GABRG3: variants seen among roughly 807,000 people sequenced by gnomAD.
GABRG3 encodes gamma-aminobutyric acid receptor subunit gamma-3.
GABRG3 carries 25 observed loss-of-function variants against 48.8 expected under a neutral mutation model. That is an observed-to-expected ratio of 0.51 (90% CI 0.37 to 0.72). The LOEUF (loss-of-function observed/expected upper bound fraction) is 0.72, where lower values mean the gene tolerates loss of function less well. Ranked by LOEUF, GABRG3 falls within the 30% of genes least tolerant of loss-of-function variation. The pLI is 0.00. For synonymous variants in GABRG3, 227 were observed against 217.6 expected (o/e 1.04, Z -0.38); for missense variants, 394 against 577.9 (o/e 0.68, Z 3.26).
rs111580528 is a variant in GABRG3 at position 27,325,342 on chromosome 15, G to A, written c.271-1467G>A. 1.4e-3 allele frequency among the ~76,000 whole-genome samples: 217 copies of A among 152,298 alleles called. 1 individual carries two copies. The highest frequency in any genetic ancestry group is 5.1e-3 in the African/African-American group (211 of 41,562). On this transcript the variant is annotated intron_variant, in intron 3 of 9. Transcript: ENST00000615808. ...CATTCAGACAGACACATGGACTTGG[G>A]AGGGTCCATCTGGTTGCTGAGATGC...
intron 3 of GABRG3, among the ~76,000 whole-genome samples, chr15:27,145,664 T>TCTATCTATCTATCTATCTATCTATCTATC (rs61419936): frequency 7.4e-6 from 1 of 134,362 alleles, no homozygotes; most frequent in Non-Finnish European, 1.5e-5. Flanking sequence ...TATCTATCTA[T>TCTATCTATCTATCTATCTATCTATCTATC]TGTGCCAGAA....
intron 3 of GABRG3, among the ~76,000 whole-genome samples, chr15:27,053,094 T>C (rs1462588444): frequency 1.3e-5 from 2 of 152,232 alleles, no homozygotes; most frequent in African/African-American, 4.8e-5. Flanking sequence ...CTTCTGGATA[T>C]TGGCCTTGGC....
intron 3 of GABRG3, among the ~76,000 whole-genome samples, chr15:27,065,202 A>G (rs551488596): frequency 6.6e-6 from 1 of 152,234 alleles, no homozygotes; most frequent in African/African-American, 2.4e-5. Context: ...GAGTGGATGA[A>G]TGAATGAATG....
At chr15:27,043,795 A>C (rs1029416471) in intron 3 of GABRG3, among the ~76,000 whole-genome samples, 6 of 152,154 alleles carry the variant, frequency 3.9e-5, no homozygotes, top group African/African-American at 1.4e-4. Context: ...TATGGTCAGG[A>C]ATTTGGGCAG....
intron 3 of GABRG3, among the ~76,000 whole-genome samples, chr15:27,075,517 G>C (rs1896895848): frequency 6.6e-6 from 1 of 152,186 alleles, no homozygotes; most frequent in South Asian, 2.1e-4. Context: ...CCCTAGAGCT[G>C]AAGGCTTTGT....
intron 3 of GABRG3, among the ~76,000 whole-genome samples, chr15:27,060,298 G>A (rs1896622887): frequency 6.6e-6 from 1 of 152,228 alleles, no homozygotes; most frequent in Non-Finnish European, 1.5e-5. Context: ...TGGCCTGTTG[G>A]TGCAATTCCT....
At chr15:27,312,923 TAAA>T (rs894839922) in intron 3 of GABRG3, among the ~76,000 whole-genome samples, 2 of 150,672 alleles carry the variant, frequency 1.3e-5, no homozygotes, top group Admixed American at 6.6e-5. Context: ...GTCTAAAAGT[TAAA>T]AAAAAGTATA....
In GABRG3 at chr15:27,313,248, G is replaced by A. The variant is rs1406279188; in HGVS notation, c.271-13561G>A. 4.4e-4 allele frequency among the ~76,000 whole-genome samples: 25 copies of A among 56,220 alleles called. No homozygotes were observed. The East Asian group carries it at 4.4e-3, about 10-fold the overall frequency. The allele number at this position is 56,220 out of a possible 152,430, so 36.9% of individuals were successfully genotyped here. A position where few individuals can be genotyped will look rare whatever the true frequency, so the allele number is the denominator to read the frequency against. ...TATACGTATATGTATATATGTGTGTGTGTGTGTGTGTGTGTATATATATAT... is the reference window on the plus strand; with the variant it reads ...TATACGTATATGTATATATGTGTGTATGTGTGTGTGTGTGTATATATATAT... On this transcript the variant is annotated intron_variant, in intron 3 of 9. Coordinates refer to ENST00000615808, the MANE Select transcript of GABRG3 (RefSeq NM_033223.5).
chr15:27,306,686 G>A (rs192843989), intron 3 of GABRG3, among the ~76,000 whole-genome samples: 2,139 of 31,092 alleles, frequency 0.069, 462 homozygotes, highest in Non-Finnish European at 0.11. Flanking sequence ...ACATATATAT[G>A]AACATGTTTA....
At chr15:27,311,691 G>A (rs1051875479) in intron 3 of GABRG3, among the ~76,000 whole-genome samples, 58 of 152,048 alleles carry the variant, frequency 3.8e-4, no homozygotes, top group African/African-American at 1.3e-3. Context: ...TTTTCTGGAG[G>A]TGGCCTGAGG....
chr15:27,337,699 GTCTT>G (rs1460714645), intron 5 of GABRG3, among the ~76,000 whole-genome samples: 4 of 151,914 alleles, frequency 2.6e-5, no homozygotes, highest in African/African-American at 9.7e-5. Flanking sequence ...TATTTCCAGC[GTCTT>G]TCTTTATACA....
chr15:27,057,270 G>A (rs768082602), intron 3 of GABRG3, among the ~76,000 whole-genome samples: 1 of 152,066 alleles, frequency 6.6e-6, no homozygotes, highest in East Asian at 1.9e-4. Context: ...CAATAAAGAA[G>A]TTTTCCGATC....
intron 3 of GABRG3, among the ~76,000 whole-genome samples, chr15:27,275,664 G>A (rs2061051): frequency 0.63 from 96,388 of 152,042 alleles, 31,291 homozygotes; most frequent in African/African-American, 0.71. Flanking sequence ...GTTTTGGCAT[G>A]GGAGAAAATG....
rs1566779090 is a variant in GABRG3, at chr15:27,313,268, A to ATATATATATATATATG, written c.271-13526_271-13525insGTATATATATATATAT. Reference sequence around the variant, plus strand: ...TGTGTGTGTGTGTGTGTGTGTATATATATATATATATATATATATATATAT... The same window carrying ATATATATATATATATG: ...TGTGTGTGTGTGTGTGTGTGTATATATATATATATATATATGTATATATATATATATATATATATAT... On this transcript the variant is annotated intron_variant, in intron 3 of 9. Coordinates refer to ENST00000615808, the MANE Select transcript of GABRG3 (RefSeq NM_033223.5). Among the ~76,000 whole-genome samples the ATATATATATATATATG allele has an allele frequency of 1.8e-4, 6 of 32,804 alleles. No individual in the cohort carries two copies. The East Asian group carries it at 2.7e-3, about 15-fold the overall frequency. The allele number at this position is 32,804 out of a possible 152,430, so 21.5% of individuals were successfully genotyped here.
chr15:27,460,906 A>C (rs1003962245), intron 5 of GABRG3, among the ~76,000 whole-genome samples: 2 of 152,124 alleles, frequency 1.3e-5, no homozygotes, highest in African/African-American at 2.4e-5. Context: ...TCAGGGCTAG[A>C]TAGCTAGGTG....
intron 3 of GABRG3, among the ~76,000 whole-genome samples, chr15:27,166,623 G>A (rs754580608): frequency 1.5e-4 from 23 of 152,162 alleles, no homozygotes; most frequent in Middle Eastern, 3.4e-3. Flanking sequence ...ACACCAGCAG[G>A]CACCAGCCAC....
intron 5 of GABRG3, among the ~76,000 whole-genome samples, chr15:27,451,055 C>T (rs1468110011): frequency 6.6e-6 from 1 of 152,038 alleles, no homozygotes; most frequent in African/African-American, 2.4e-5. Context: ...TGAAAAAATA[C>T]CCCATGTTCA....
intron 3 of GABRG3, among the ~76,000 whole-genome samples, chr15:27,253,866 C>T (rs532755433): frequency 1.8e-4 from 27 of 152,316 alleles, no homozygotes; most frequent in South Asian, 4.1e-4. Context: ...TTCAGCTTCT[C>T]GCAGTAGCTC....
chr15:27,527,851 C>A (rs1399535670), intron 8 of GABRG3, 82 bp from the exon 9 acceptor site: 6 of 1,195,366 alleles, frequency 5.0e-6, no homozygotes, highest in Non-Finnish European at 7.3e-6. Context: ...TTTAGTCATA[C>A]CCTAAAGATT....
Sources: gnomAD v4.1 joint callset for allele counts (sites outside exome capture counted in the v4.1 genomes callset) on GRCh38, gnomAD v4.1.1 for gene constraint, MANE v1.5 for transcripts, NCBI Gene and HGNC (gene_info 2026-07-23, HGNC 2026-07-21) for gene names.